Variants in USP6NL observed in about 807,000 individuals in gnomAD.
USP6NL encodes USP6 N-terminal-like protein.
A neutral mutation model predicts 61.9 loss-of-function variants in USP6NL; 26 were observed. That is an observed-to-expected ratio of 0.42 (90% CI 0.31 to 0.58). USP6NL has a LOEUF of 0.58. Ranked by LOEUF, USP6NL falls within the 20% of genes least tolerant of loss-of-function variation. The pLI is 0.16. For synonymous variants in USP6NL, 432 were observed against 390.1 expected (o/e 1.11, Z -1.27); for missense variants, 1,114 against 1,034.3 (o/e 1.08, Z -1.06).
chr10:11,529,082 T>A (rs1835538404), intron 2 of USP6NL, among the ~76,000 whole-genome samples: 1 of 151,250 alleles, frequency 6.6e-6, no homozygotes, highest in South Asian at 2.1e-4. Context: ...AATACAGGAG[T>A]CTGCTATTTT....
intron 1 of USP6NL, among the ~76,000 whole-genome samples, chr10:11,607,160 C>G (rs944381173): frequency 6.6e-6 from 1 of 152,058 alleles, no homozygotes; most frequent in Non-Finnish European, 1.5e-5. Flanking sequence ...AATATGGGCA[C>G]CAGGGAAATA....
chr10:11,524,172 T>C (rs1188675760), intron 4 of USP6NL, among the ~76,000 whole-genome samples: 2 of 152,186 alleles, frequency 1.3e-5, no homozygotes, highest in Non-Finnish European at 2.9e-5. Flanking sequence ...GGTGGGAGGA[T>C]TGCTTAAGGC....
intron 6 of USP6NL, among the ~76,000 whole-genome samples, chr10:11,506,944 T>C (rs1834472955): frequency 6.6e-6 from 1 of 152,186 alleles, no homozygotes; most frequent in Admixed American, 6.5e-5. Flanking sequence ...TAGGTGTGAA[T>C]TGAAAGCAGT....
chr10:11,585,406 A>G lies in USP6NL; in HGVS notation c.4+12225T>C, dbSNP rs1027275361. Among the ~76,000 whole-genome samples the G allele has an allele frequency of 6.6e-6, 1 of 152,224 alleles. No homozygotes were observed. Among genetic ancestry groups the G allele is most frequent in the African/African-American group, 2.4e-5 (1 of 41,456 alleles). On this transcript the variant is annotated intron_variant, in intron 2 of 14. Coordinates refer to ENST00000609104, the MANE Select transcript of USP6NL (RefSeq NM_014688.5). The surrounding 1 kb of genome is among the most constrained non-coding windows in gnomAD (Gnocchi z 4.5). ...AGATGTATTTGTACACCCATGGTTC[A>G]CAGCAGCATAATTCGCAACAGCCAA...
intron 14 of USP6NL, among the ~76,000 whole-genome samples, chr10:11,466,172 C>G (rs958540143): frequency 6.6e-6 from 1 of 152,146 alleles, no homozygotes; most frequent in Non-Finnish European, 1.5e-5. Flanking sequence ...AGTGTTTTCC[C>G]TAGACACTCA....
chr10:11,555,433 A>AATATATATATATATATAT (rs1157927483), intron 2 of USP6NL, among the ~76,000 whole-genome samples: 9 of 49,006 alleles, frequency 1.8e-4, no homozygotes, highest in Non-Finnish European at 2.1e-4. Flanking sequence ...AAAAAAAAAA[A>AATATATATATATATATAT]ATATATATAT....
chr10:11,525,499 C>G lies in USP6NL; in HGVS notation c.73-31G>C. ...ATAAGGCACAAAAAAAGGTGTTAAT[C>G]AGAGTTTATAAAACTGAATAATTTT... On this transcript the variant is annotated intron_variant, in intron 3 of 14. Transcript: ENST00000609104. The surrounding 1 kb of genome is among the most constrained non-coding windows in gnomAD (Gnocchi z 5.0). The G allele has an allele frequency of 6.6e-7, 1 of 1,525,214 alleles. No individual in the cohort carries two copies. Among genetic ancestry groups the G allele is most frequent in the Non-Finnish European group, 8.8e-7 (1 of 1,139,080 alleles). The allele number at this position is 1,525,214 out of a possible 1,614,324, so 94.5% of individuals were successfully genotyped here.
chr10:11,497,546 T>A (rs1383352429), intron 7 of USP6NL, among the ~76,000 whole-genome samples: 1 of 151,720 alleles, frequency 6.6e-6, no homozygotes, highest in Non-Finnish European at 1.5e-5. Flanking sequence ...CAAGACATGA[T>A]AAAATAAAAT....
intron 5 of USP6NL, among the ~76,000 whole-genome samples, chr10:11,512,378 C>G (rs576696225): frequency 6.6e-6 from 1 of 152,282 alleles, no homozygotes; most frequent in Middle Eastern, 3.4e-3. Flanking sequence ...CTGCTTCCAT[C>G]CTGTCCTCTT....
At position 11,510,355 on chromosome 10, in the gene USP6NL, T is replaced by C. The variant is rs1427982187; in HGVS notation, c.196-680A>G. ...TGAGGAACAGAGAGATTATTAGGGT[T>C]TGTTTTTTTTTAATCAAATGCAATG... On this transcript the variant is annotated intron_variant, in intron 5 of 14. Transcript: ENST00000609104. The surrounding 1 kb of genome is among the most constrained non-coding windows in gnomAD (Gnocchi z 4.8). Among the ~76,000 whole-genome samples the C allele has an allele frequency of 6.6e-6, 1 of 152,052 alleles. No homozygotes were observed. Among genetic ancestry groups the C allele is most frequent in the African/African-American group, 2.4e-5 (1 of 41,380 alleles).
At chr10:11,601,576 T>A (rs988960985) in intron 1 of USP6NL, among the ~76,000 whole-genome samples, 1 of 152,182 alleles carries the variant, frequency 6.6e-6, no homozygotes, top group African/African-American at 2.4e-5. Flanking sequence ...AAACCAAAAC[T>A]TTTCCAATGA....
At chr10:11,568,787 G>A (rs1425729568) in intron 2 of USP6NL, among the ~76,000 whole-genome samples, 1 of 152,172 alleles carries the variant, frequency 6.6e-6, no homozygotes, top group Non-Finnish European at 1.5e-5. Flanking sequence ...ATTACTCCAT[G>A]AATTGCACTC....
chr10:11,525,405 C>A lies in USP6NL; in HGVS notation c.136G>T (p.Asp46Tyr), dbSNP rs765598992. ...ACTTACTGTAAAAAGCCAAATCTAT[C>A]TGTGACTTTGTAAACAAGGTAATCA... ...DADYLVYKVTDRFGFLHEEEL... is the reference protein window; with the variant it reads ...DADYLVYKVTYRFGFLHEEEL... The change falls in exon 4 of 15, where the codon GAT becomes TAT. Residue 46 changes from aspartate to tyrosine, a missense_variant. By Grantham distance (160) the Asp-to-Tyr change is radical. Transcript: ENST00000609104. The surrounding 1 kb of genome is among the most constrained non-coding windows in gnomAD (Gnocchi z 5.0). 5 of 1,601,630 alleles carry A rather than the reference C, an allele frequency of 3.1e-6. No homozygotes were observed. The highest frequency in any genetic ancestry group is 4.2e-6 in the Non-Finnish European group (5 of 1,176,780).
Position 11,501,152 on chromosome 10 carries a change from G to C in USP6NL, c.333C>G (p.Ala111=). 6.2e-7 allele frequency: 1 copy of C among 1,613,218 alleles called. No homozygotes were observed. Among genetic ancestry groups the C allele is most frequent in the Non-Finnish European group, 8.5e-7 (1 of 1,179,652 alleles). The part of the protein sequence containing the change: ...IPLQLRGEVW[A]LLLEIPKMKE... ...TCATTTTAGGGATCTCAAGAAGGAGGGCCCAGACTTCACCTCTGAGCTGGA... is the reference window on the plus strand; with the variant it reads ...TCATTTTAGGGATCTCAAGAAGGAGCGCCCAGACTTCACCTCTGAGCTGGA... The change falls in exon 7 of 15, where the codon GCC becomes GCG. Residue 111 remains alanine, a synonymous_variant. Transcript: ENST00000609104.
rs757290710 is a variant in USP6NL, at chr10:11,589,871, G to A, written c.4+7760C>T. Among the ~76,000 whole-genome samples the A allele has an allele frequency of 5.9e-5, 9 of 152,088 alleles. No homozygotes were observed. Among genetic ancestry groups the A allele is most frequent in the Non-Finnish European group, 1.0e-4 (7 of 68,018 alleles). ...CAATGTGTGAGAACAAAATCAAACC[G>A]GTGCCGCTCCAGGGTACCAAGGCAA... On this transcript the variant is annotated intron_variant, in intron 2 of 14. Coordinates refer to ENST00000609104, the MANE Select transcript of USP6NL (RefSeq NM_014688.5). The surrounding 1 kb of genome is among the most constrained non-coding windows in gnomAD (Gnocchi z 4.7).
intron 2 of USP6NL, among the ~76,000 whole-genome samples, chr10:11,554,966 A>ATTTTTTT (rs764342021): frequency 2.7e-5 from 3 of 111,848 alleles, no homozygotes; most frequent in African/African-American, 9.9e-5. Flanking sequence ...TGCCCGGCTA[A>ATTTTTTT]TTTTTTTTTT....
In USP6NL at chr10:11,597,247, A is replaced by G. The variant is rs372549535; in HGVS notation, c.4+384T>C. On this transcript the variant is annotated intron_variant, in intron 2 of 14. Coordinates refer to ENST00000609104, the MANE Select transcript of USP6NL (RefSeq NM_014688.5). The surrounding 1 kb of genome is among the most constrained non-coding windows in gnomAD (Gnocchi z 4.6). ...AGGGGTTTTTTTTCCCTTAAATACA[A>G]TATAACCCATGTTACTCAATGATTA... Among the ~76,000 whole-genome samples, 7 of 152,182 alleles carry G rather than the reference A, an allele frequency of 4.6e-5. No individual in the cohort carries two copies. Among genetic ancestry groups the G allele is most frequent in the Admixed American group, 3.9e-4 (6 of 15,276 alleles).
At chr10:11,569,363 A>T (rs1378039522) in intron 2 of USP6NL, among the ~76,000 whole-genome samples, 1 of 152,140 alleles carries the variant, frequency 6.6e-6, no homozygotes, top group Non-Finnish European at 1.5e-5. Context: ...AAACACAGCT[A>T]AAAAAACAGG....
chr10:11,464,177 T>G (rs1244188052), intron 14 of USP6NL, among the ~76,000 whole-genome samples: 5 of 152,202 alleles, frequency 3.3e-5, no homozygotes, highest in African/African-American at 1.2e-4. Context: ...CAGGCACACA[T>G]GCAGCCTTGA....
Sources: allele counts gnomAD v4.1 joint callset (sites outside exome capture counted in the v4.1 genomes callset), GRCh38; gene constraint gnomAD v4.1.1; non-coding constraint Gnocchi (gnomAD v3.1); transcripts MANE v1.5; gene names NCBI Gene and HGNC (gene_info 2026-07-23, HGNC 2026-07-21).